Variants in ARHGAP27 observed in about 807,000 individuals in gnomAD.
The protein encoded by ARHGAP27 is rho GTPase-activating protein 27.
A neutral mutation model predicts 102.0 loss-of-function variants in ARHGAP27; 53 were observed. The ratio of observed to expected loss-of-function variants is 0.52; its 90% CI spans 0.42 to 0.65. ARHGAP27 has a LOEUF of 0.65. Among genes scored for constraint, ARHGAP27 ranks in the 30% least tolerant of loss-of-function variants. The pLI, the probability that ARHGAP27 is intolerant of heterozygous loss-of-function variation, is 0.00. For missense variants in ARHGAP27, 1,117 were observed against 1,256.2 expected (o/e 0.89, Z 1.68); for synonymous variants, 525 against 542.8 (o/e 0.97, Z 0.46).
intron 4 of ARHGAP27, chr17:45,409,576 A>AG (rs1411059478): frequency 6.6e-6 from 1 of 152,288 alleles, no homozygotes; most frequent in African/African-American, 2.4e-5. Context: ...ACTCCCTGTT[A>AG]GGGAAGCCAT....
At chr17:45,422,465 A>C (rs78656692) in intron 4 of ARHGAP27, among the ~76,000 whole-genome samples, 2 of 152,144 alleles carry the variant, frequency 1.3e-5, no homozygotes, top group Non-Finnish European at 2.9e-5. Flanking sequence ...TAGTAGTTTC[A>C]AAAAATGATA....
intron 4 of ARHGAP27, chr17:45,410,289 C>G (rs1462817067): frequency 6.5e-7 from 1 of 1,529,422 alleles, no homozygotes; most frequent in Non-Finnish European, 8.7e-7. Flanking sequence ...TGTCCACCAT[C>G]CTGGCCCCTC....
chr17:45,396,918 G>A lies in ARHGAP27; in HGVS notation c.1949C>T (p.Ala650Val), dbSNP rs1473222880. 6.2e-7 allele frequency: 1 copy of A among 1,606,448 alleles called. No homozygotes were observed. Among genetic ancestry groups the A allele is most frequent in the African/African-American group, 1.3e-5 (1 of 75,062 alleles). The change falls in exon 14 of 20, where the codon GCA becomes GTA. Residue 650 changes from alanine (A) to valine (V), a missense_variant and splice_region_variant. By Grantham distance (64) the Ala-to-Val change is moderately conservative. This residue lies in a region of ARHGAP27 where 493 missense variants were observed against 505.5 expected (regional missense o/e 0.98). Coordinates refer to ENST00000685559, the MANE Select transcript of ARHGAP27 (RefSeq NM_001282290.2). Reference protein sequence around the residue: ...QEKEEDARPNAAAPALGPVGL... With the variant: ...QEKEEDARPNVAAPALGPVGL... ...ACCCCATCCTGCCTTGCGCACACCT[G>A]CATTCGGTCGCGCGTCCTCCTCTTT...
Position 45,403,567 on chromosome 17 carries a change from A to AAAATAT in ARHGAP27, c.1638+51_1638+52insATATTT, listed in dbSNP as rs1350264690. 3 of 1,432,348 alleles carry AAAATAT rather than the reference A, an allele frequency of 2.1e-6. No homozygotes were observed. In the African/African-American group the frequency reaches 4.3e-5, roughly 21 times the overall value. 88.7% of individuals were successfully genotyped at this position (1,432,348 alleles called of 1,614,324 possible). ...CTCCGTCTCAAAAAAAATAAAAATA[A>AAAATAT]AAATAAAAAAAAGCAGATGGGATGG... On this transcript the variant is annotated intron_variant, in intron 11 of 19. Coordinates refer to ENST00000685559, the MANE Select transcript of ARHGAP27 (RefSeq NM_001282290.2).
In ARHGAP27 at chr17:45,395,477, C is replaced by T. The variant is rs760325969; in HGVS notation, c.2649G>A (p.Ala883=). Residue 883 remains alanine (A), a synonymous_variant, in exon 20 of 20, where the codon GCG becomes GCA. Transcript: ENST00000685559. ...GCAGTCAGTGCGGCGGGAAGATGTC[C>T]GCGCACTGCTGCAGGATGAGCTCCA... The part of the protein sequence containing the change: ...QVVELILQQC[A]DIFPPH 20 of 1,568,008 alleles carry T rather than the reference C, an allele frequency of 1.3e-5. No homozygotes were observed. Among genetic ancestry groups the T allele is most frequent in the Admixed American group, 1.9e-5 (1 of 53,948 alleles).
rs746869369 is a variant in ARHGAP27, at chr17:45,403,724, G to T, written c.1548-15C>A. ...AGTGCTTCTTCCTAGGTGGGGGTGG[G>T]GAAGTGGGGGTGGCAGGACTTAGAT... On this transcript the variant is annotated splice_polypyrimidine_tract_variant and intron_variant, in intron 10 of 19. Transcript: ENST00000685559. 1 of 1,603,844 alleles carries T rather than the reference G, an allele frequency of 6.2e-7. No homozygotes were observed. The highest frequency in any genetic ancestry group is 8.5e-7 in the Non-Finnish European group (1 of 1,173,886).
In ARHGAP27 at chr17:45,432,250, G is replaced by A. The variant is rs1346535157; in HGVS notation, c.-185C>T. The A allele has an allele frequency of 6.4e-6, 1 of 156,540 alleles. No individual in the cohort carries two copies. Among genetic ancestry groups the A allele is most frequent in the Non-Finnish European group, 1.4e-5 (1 of 69,492 alleles). 9.7% of individuals were successfully genotyped at this position (156,540 alleles called of 1,614,324 possible). A position where few individuals can be genotyped will look rare whatever the true frequency, so the allele number is the denominator to read the frequency against. ...TCCCGGAGCAGCCCGGCCGGGCCTG[G>A]AAAAACTCCGAGCGGGATTCCCAGC... On this transcript the variant is annotated 5_prime_UTR_variant, in exon 2 of 20. Coordinates refer to ENST00000685559, the MANE Select transcript of ARHGAP27 (RefSeq NM_001282290.2).
intron 13 of ARHGAP27, 23 bp from the exon 14 acceptor site, chr17:45,397,047 A>C: frequency 1.3e-6 from 2 of 1,599,932 alleles, no homozygotes; most frequent in South Asian, 2.2e-5. Flanking sequence ...AGCCTCAGAG[A>C]GGCGGGGCCT....
rs34018943 is a variant in ARHGAP27, at chr17:45,430,937, A to G, written c.-18-640T>C. Among the ~76,000 whole-genome samples the G allele has an allele frequency of 0.13, 19,403 of 152,030 alleles. 1,580 individuals are homozygous for G. The highest frequency in any genetic ancestry group is 0.21 in the Middle Eastern group (62 of 294). ...CTGTAGAGGCCTCCGCTGCCAATGC[A>G]GGGGAACCGGTTCTCTCGGTTTCTC... is the stretch of plus-strand genomic sequence containing the variant. On this transcript the variant is annotated intron_variant, in intron 3 of 19. Transcript: ENST00000685559. The surrounding 1 kb of genome is among the most constrained non-coding windows in gnomAD (Gnocchi z 4.4).
intron 5 of ARHGAP27, 152 bp from the exon 6 acceptor site, chr17:45,405,258 A>T: frequency 1.2e-6 from 1 of 825,650 alleles, no homozygotes; most frequent in Non-Finnish European, 1.8e-6. Context: ...GTAGCTCCGC[A>T]CCTCACCCTC....
chr17:45,426,356 A>G (rs1016494288), intron 4 of ARHGAP27, among the ~76,000 whole-genome samples: 3 of 152,072 alleles, frequency 2.0e-5, no homozygotes, highest in Non-Finnish European at 4.4e-5. Context: ...CCCCTTTGGG[A>G]CTGCATCTTA....
chr17:45,429,047 C>T (rs555052106), intron 4 of ARHGAP27, among the ~76,000 whole-genome samples: 5 of 152,352 alleles, frequency 3.3e-5, no homozygotes, highest in Admixed American at 2.6e-4. Flanking sequence ...TGGAAGCACC[C>T]TCAAAGGGAA....
In ARHGAP27 at chr17:45,406,096, A is replaced by T; in HGVS notation, c.658-13T>A. ...GTGGGTCGTCCACCTGCGGGAGGAG[A>T]AAGGAGGAATTTTGTGTTTTCAGAA... On this transcript the variant is annotated splice_polypyrimidine_tract_variant and intron_variant, in intron 4 of 19. Transcript: ENST00000685559. 6.7e-7 allele frequency: 1 copy of T among 1,502,024 alleles called. No individual in the cohort carries two copies. Among genetic ancestry groups the T allele is most frequent in the Non-Finnish European group, 8.9e-7 (1 of 1,126,932 alleles). 93.0% of individuals were successfully genotyped at this position (1,502,024 alleles called of 1,614,324 possible).
chr17:45,425,377 G>C (rs2049487770), intron 4 of ARHGAP27, among the ~76,000 whole-genome samples: 1 of 152,124 alleles, frequency 6.6e-6, no homozygotes, highest in South Asian at 2.1e-4. Flanking sequence ...TCTGTCCCAA[G>C]GCCAGTTCCT....
At chr17:45,406,590 G>T (rs1347158696) in intron 4 of ARHGAP27, among the ~76,000 whole-genome samples, 1 of 152,242 alleles carries the variant, frequency 6.6e-6, no homozygotes, top group Non-Finnish European at 1.5e-5. Context: ...GCAAGTCAGA[G>T]GTTGGGCAGG....
In ARHGAP27 at chr17:45,404,420, A is replaced by G. The variant is rs1024073481; in HGVS notation, c.1413+25T>C. On this transcript the variant is annotated intron_variant, in intron 8 of 19. Coordinates refer to ENST00000685559, the MANE Select transcript of ARHGAP27 (RefSeq NM_001282290.2). ...CCACTGCTTCTGTGGTGGTCCTGCC[A>G]GGACCTCAATGGCTCCTCCCCTACC... 2.5e-6 allele frequency: 4 copies of G among 1,613,890 alleles called. No individual in the cohort carries two copies. The Admixed American group carries it at 5.0e-5, about 20-fold the overall frequency.
chr17:45,405,540 G>T, intron 5 of ARHGAP27, 136 bp downstream of exon 5: 1 of 1,232,450 alleles, frequency 8.1e-7, no homozygotes, highest in Non-Finnish European at 1.1e-6. Context: ...GCAGGAGAAG[G>T]GGTCAAAGGC....
At position 45,403,602 on chromosome 17, in the gene ARHGAP27, T is replaced by C. The variant is rs376503115; in HGVS notation, c.1638+17A>G. 2.5e-6 allele frequency: 4 copies of C among 1,596,690 alleles called. No individual in the cohort carries two copies. Among genetic ancestry groups the C allele is most frequent in the Non-Finnish European group, 2.6e-6 (3 of 1,170,482 alleles). On this transcript the variant is annotated intron_variant, in intron 11 of 19. Coordinates refer to ENST00000685559, the MANE Select transcript of ARHGAP27 (RefSeq NM_001282290.2). ...AAAGCAGATGGGATGGTCCCTGCCCTGAGGGCCTGGCCTTACCAGGCCGCC... is the reference window on the plus strand; with the variant it reads ...AAAGCAGATGGGATGGTCCCTGCCCCGAGGGCCTGGCCTTACCAGGCCGCC...
rs916385291 is a variant in ARHGAP27, at chr17:45,393,921, C to G, written c.*1535G>C. ...CATTTGTCAAAGTAGGAGAATAGAA[C>G]ATATTTTATTTAACAGTTGTTAGCT... On this transcript the variant is annotated 3_prime_UTR_variant, in exon 20 of 20. Coordinates refer to ENST00000685559, the MANE Select transcript of ARHGAP27 (RefSeq NM_001282290.2). 1 of 152,676 alleles carries G rather than the reference C, an allele frequency of 6.5e-6. No homozygotes were observed. Among genetic ancestry groups the G allele is most frequent in the Non-Finnish European group, 1.5e-5 (1 of 68,044 alleles). 9.5% of individuals were successfully genotyped at this position (152,676 alleles called of 1,614,324 possible). A position where few individuals can be genotyped will look rare whatever the true frequency, so the allele number is the denominator to read the frequency against.
Sources: allele counts gnomAD v4.1 joint callset (sites outside exome capture counted in the v4.1 genomes callset), GRCh38; gene constraint gnomAD v4.1.1; regional missense constraint gnomAD v4.1.1; non-coding constraint Gnocchi (gnomAD v3.1); transcripts MANE v1.5; gene names NCBI Gene and HGNC (gene_info 2026-07-23, HGNC 2026-07-21).